ZC3H11A: variants seen among roughly 807,000 people sequenced by gnomAD.
The protein encoded by ZC3H11A is zinc finger CCCH-type containing 11A.
ZC3H11A carries 22 observed loss-of-function variants against 90.8 expected under a neutral mutation model. That is an observed-to-expected ratio of 0.24 (90% confidence interval 0.17 to 0.35). The LOEUF is 0.35. Among genes scored for constraint, ZC3H11A ranks in the 10% least tolerant of loss-of-function variants. ZC3H11A has a pLI of 1.00. For synonymous variants in ZC3H11A, 294 were observed against 339.8 expected (o/e 0.87, Z 1.48); for missense variants, 701 against 964.9 (o/e 0.73, Z 3.62).
At chr1:203,834,489 C>T (rs943099854) in intron 10 of ZC3H11A, among the ~76,000 whole-genome samples, 2 of 152,128 alleles carry the variant, frequency 1.3e-5, no homozygotes, top group African/African-American at 4.8e-5. Flanking sequence ...CCAGGCTGGT[C>T]TCCAACTCCT....
intron 5 of ZC3H11A, 198 bp from the exon 6 acceptor site, chr1:203,829,253 A>C (rs1368567942): frequency 3.3e-6 from 2 of 608,868 alleles, no homozygotes; most frequent in Non-Finnish European, 2.9e-6. Context: ...GTGTTTATGT[A>C]CAGTGGAGAG....
chr1:203,813,805 TCTC>T (rs1372648102), intron 2 of ZC3H11A, among the ~76,000 whole-genome samples: 1 of 152,022 alleles, frequency 6.6e-6, no homozygotes, highest in Non-Finnish European at 1.5e-5. Flanking sequence ...ATGGTCATCT[TCTC>T]CTTGTGTGTC....
At chr1:203,821,877 T>C (rs12030493) in intron 4 of ZC3H11A, among the ~76,000 whole-genome samples, 6,949 of 151,936 alleles carry the variant, frequency 0.046, 511 homozygotes, top group East Asian at 0.36. Flanking sequence ...CCTGTTTCAG[T>C]CTCCCGAGTA....
At chr1:203,850,459 C>G (rs1456253270) in intron 15 of ZC3H11A, 56 bp from the exon 16 acceptor site, 2 of 1,587,492 alleles carry the variant, frequency 1.3e-6, no homozygotes, top group South Asian at 2.2e-5. Context: ...CTGAATTATT[C>G]CCCATTTAAA....
chr1:203,848,773 T>TA (rs1688573213), intron 14 of ZC3H11A, among the ~76,000 whole-genome samples: 1 of 152,220 alleles, frequency 6.6e-6, no homozygotes, highest in African/African-American at 2.4e-5. Flanking sequence ...TACTTTTTTT[T>TA]AACTGAGTTT....
chr1:203,838,064 G>A lies in ZC3H11A; in HGVS notation c.973G>A (p.Ala325Thr), dbSNP rs1684928225. The A allele has an allele frequency of 6.2e-7, 1 of 1,613,860 alleles. No individual in the cohort carries two copies. Among genetic ancestry groups the A allele is most frequent in the Admixed American group, 1.7e-5 (1 of 59,978 alleles). The stretch of plus-strand genomic sequence containing the variant: ...TAACATTGACAAAACACCAAAGAAA[G>A]GTACCTGTGTTCTTACATACTTTGT... The part of the protein sequence containing the change: ...ETNIDKTPKK[A>T]QVSKSLKERL... The change falls in exon 11 of 18, where the codon GCT becomes ACT. Residue 325 changes from alanine (A) to threonine (T), a missense_variant and splice_region_variant. By Grantham distance (58) the Ala-to-Thr change is moderately conservative (BLOSUM62 0). Coordinates refer to ENST00000367210, the MANE Select transcript of ZC3H11A (RefSeq NM_001376342.1).
At chr1:203,798,396 G>A in intron 1 of ZC3H11A, 1 of 1,534,694 alleles carries the variant, frequency 6.5e-7, no homozygotes, top group Non-Finnish European at 8.7e-7. Flanking sequence ...TAAAAGAAGT[G>A]TGAGCCGGGG....
At chr1:203,819,529 ATTTTT>A (rs755259647) in intron 4 of ZC3H11A, among the ~76,000 whole-genome samples, 2 of 72,890 alleles carry the variant, frequency 2.7e-5, no homozygotes, top group Non-Finnish European at 2.6e-5. Flanking sequence ...GCTGACTCCA[ATTTTT>A]TTTTTTTTTT....
At chr1:203,819,032 G>A (rs1438148347) in intron 4 of ZC3H11A, among the ~76,000 whole-genome samples, 1 of 148,800 alleles carries the variant, frequency 6.7e-6, no homozygotes, top group Non-Finnish European at 1.5e-5. Flanking sequence ...TCGCACCACT[G>A]CACTCCAGCC....
At chr1:203,796,139 G>A (rs924154384) in intron 1 of ZC3H11A, 4 of 204,274 alleles carry the variant, frequency 2.0e-5, no homozygotes, top group East Asian at 9.6e-5. Flanking sequence ...GAGCAGCCCC[G>A]AAAACCGACT....
intron 1 of ZC3H11A, chr1:203,800,558 A>C: frequency 4.4e-6 from 5 of 1,139,826 alleles, no homozygotes; most frequent in Non-Finnish European, 5.8e-6. Context: ...TTATAAACAC[A>C]TCTGGGGAAA....
At chr1:203,832,993 G>A (rs2103062258) in intron 9 of ZC3H11A, among the ~76,000 whole-genome samples, 1 of 152,248 alleles carries the variant, frequency 6.6e-6, no homozygotes, top group Non-Finnish European at 1.5e-5. Flanking sequence ...CAGCACTTTG[G>A]GAGGCTGAGG....
intron 1 of ZC3H11A, chr1:203,798,978 A>G: frequency 6.5e-7 from 1 of 1,536,154 alleles, no homozygotes; most frequent in Non-Finnish European, 8.7e-7. Context: ...GACTGTTGAC[A>G]TATGGACCCA....
At chr1:203,818,146 G>A (rs11576057) in intron 3 of ZC3H11A, among the ~76,000 whole-genome samples, 27,370 of 151,986 alleles carry the variant, frequency 0.18, 2,759 homozygotes, top group Middle Eastern at 0.28. Flanking sequence ...AGATATTACC[G>A]TTGCATAAAG....
chr1:203,848,787 C>T (rs765570831), intron 14 of ZC3H11A, among the ~76,000 whole-genome samples: 10 of 152,084 alleles, frequency 6.6e-5, no homozygotes, highest in Non-Finnish European at 1.2e-4. Flanking sequence ...TGAGTTTTTT[C>T]TAATGCTATG....
At chr1:203,820,637 C>T (rs995460893) in intron 4 of ZC3H11A, among the ~76,000 whole-genome samples, 10 of 152,010 alleles carry the variant, frequency 6.6e-5, no homozygotes, top group African/African-American at 2.2e-4. Context: ...CTCACCACAC[C>T]CGTCTAATTT....
At chr1:203,819,656 T>G (rs983120431) in intron 4 of ZC3H11A, among the ~76,000 whole-genome samples, 8 of 148,656 alleles carry the variant, frequency 5.4e-5, no homozygotes, top group Admixed American at 4.8e-4. Flanking sequence ...TGCCTCAGCC[T>G]CCCGAGTAGC....
rs59254922 is a variant in ZC3H11A, at chr1:203,815,216, C to CTT, written c.-145-1695_-145-1694dup. Among the ~76,000 whole-genome samples the CTT allele has an allele frequency of 7.2e-5, 7 of 97,150 alleles. 2 individuals are homozygous for CTT. The highest frequency in any genetic ancestry group is 7.8e-5 in the African/African-American group (2 of 25,756). 63.7% of individuals were successfully genotyped at this position (97,150 alleles called of 152,430 possible). A position where few individuals can be genotyped will look rare whatever the true frequency, so the allele number is the denominator to read the frequency against. On this transcript the variant is annotated intron_variant, in intron 2 of 17. Coordinates refer to ENST00000367210, the MANE Select transcript of ZC3H11A (RefSeq NM_001376342.1). ...TTCATTATTTTCTTCCTTTTCTTTTCTTTTTTTTTTTTTTTTGAGACAGTG... is the reference window on the plus strand; with the variant it reads ...TTCATTATTTTCTTCCTTTTCTTTTCTTTTTTTTTTTTTTTTTTGAGACAGTG...
chr1:203,799,429 C>A, intron 1 of ZC3H11A: 1 of 703,078 alleles, frequency 1.4e-6, no homozygotes, highest in Non-Finnish European at 2.6e-6. Flanking sequence ...CACCAACTTC[C>A]ATGGAAGAAT....
Sources: gnomAD v4.1 joint callset for allele counts (sites outside exome capture counted in the v4.1 genomes callset) on GRCh38, gnomAD v4.1.1 for gene constraint, MANE v1.5 for transcripts, NCBI Gene and HGNC (gene_info 2026-07-23, HGNC 2026-07-21) for gene names.